The following MBNL2 variants were observed in gnomAD, a reference collection of about 807,000 sequenced individuals.
MBNL2 encodes muscleblind like splicing regulator 2.
A neutral mutation model predicts 41.9 loss-of-function variants in MBNL2; 17 were observed. The observed-to-expected ratio is 0.41, with a 90% confidence interval of 0.28 to 0.61. MBNL2 has a LOEUF of 0.61. Ranked by LOEUF, MBNL2 falls within the 20% of genes least tolerant of loss-of-function variation. The pLI is 0.35. For synonymous variants in MBNL2, 195 were observed against 182.9 expected (o/e 1.07, Z -0.53); for missense variants, 336 against 505.6 (o/e 0.66, Z 3.22).
At chr13:97,242,220 C>G (rs1188308019) in intron 1 of MBNL2, among the ~76,000 whole-genome samples, 3 of 152,122 alleles carry the variant, frequency 2.0e-5, no homozygotes, top group Admixed American at 6.5e-5. Context: ...AGGCAATGTT[C>G]TTCTTTGTGC....
At chr13:97,181,073 A>ATCTC in the MBNL2 span, among the ~76,000 whole-genome samples, 7 of 139,486 alleles carry the variant, frequency 5.0e-5, 1 homozygote, top group South Asian at 4.7e-4. Context: ...CTTCAACTCA[A>ATCTC]TCTCTCTCTC....
At chr13:97,365,412 C>T (rs1307445935) in intron 8 of MBNL2, among the ~76,000 whole-genome samples, 2 of 152,144 alleles carry the variant, frequency 1.3e-5, no homozygotes, top group East Asian at 1.9e-4. Flanking sequence ...AAGTACGAGT[C>T]TGCTTTTTAA....
chr13:97,210,297 T>C, the MBNL2 span, among the ~76,000 whole-genome samples: 1 of 152,238 alleles, frequency 6.6e-6, no homozygotes, highest in Non-Finnish European at 1.5e-5. Flanking sequence ...AGATTAAAAA[T>C]GTCATCTGTG....
intron 5 of MBNL2, among the ~76,000 whole-genome samples, chr13:97,350,532 A>C (rs2062350001): frequency 6.6e-6 from 1 of 152,218 alleles, no homozygotes; most frequent in African/African-American, 2.4e-5. Flanking sequence ...AAAATGGGAG[A>C]CAGTCCTCTA....
At chr13:97,216,299 A>C in the MBNL2 span, among the ~76,000 whole-genome samples, 1 of 152,238 alleles carries the variant, frequency 6.6e-6, no homozygotes, top group Non-Finnish European at 1.5e-5. Context: ...AAATGAATTC[A>C]GCACCACTCC....
intron 1 of MBNL2, among the ~76,000 whole-genome samples, chr13:97,252,484 AT>A (rs1464157777): frequency 1.3e-5 from 2 of 152,212 alleles, no homozygotes; most frequent in African/African-American, 2.4e-5. Context: ...AAGAACTAAT[AT>A]TTTTAGATGA....
chr13:97,254,412 G>A (rs897055864), intron 1 of MBNL2, among the ~76,000 whole-genome samples: 2 of 152,114 alleles, frequency 1.3e-5, no homozygotes, highest in African/African-American at 4.8e-5. Flanking sequence ...CATTATGATT[G>A]AAAAGTATTT....
At chr13:97,222,572 T>C in intron 1 of MBNL2, 41 bp downstream of exon 1, 1 of 397,058 alleles carries the variant, frequency 2.5e-6, no homozygotes, top group Non-Finnish European at 4.4e-6. Context: ...TTAAAGAGTT[T>C]GCTGCAGTAT....
In MBNL2 at chr13:97,366,024, G is replaced by A. The variant is rs1171356233; in HGVS notation, c.1048+853G>A. Among the ~76,000 whole-genome samples, 3 of 151,892 alleles carry A rather than the reference G, an allele frequency of 2.0e-5. No individual in the cohort carries two copies. The highest frequency in any genetic ancestry group is 7.3e-5 in the African/African-American group (3 of 41,310). On this transcript the variant is annotated intron_variant, in intron 8 of 8. Coordinates refer to ENST00000679496, the MANE Select transcript of MBNL2 (RefSeq NM_001382683.1). This position sits in a 1 kb window ranked among gnomAD's most constrained non-coding sequence, Gnocchi z 4.7. Reference sequence around the variant, plus strand: ...CAAAGAACATCCTATCCCAAATTAGGTCTCCATATGGAGACTTGGATGTCT... The same window carrying A: ...CAAAGAACATCCTATCCCAAATTAGATCTCCATATGGAGACTTGGATGTCT...
At chr13:97,299,304 G>A (rs537645520) in intron 2 of MBNL2, among the ~76,000 whole-genome samples, 2 of 152,186 alleles carry the variant, frequency 1.3e-5, no homozygotes, top group East Asian at 1.9e-4. Context: ...CTATCATAGT[G>A]CATGATAGTG....
At chr13:97,233,417 C>A (rs74107587) in intron 1 of MBNL2, among the ~76,000 whole-genome samples, 1 of 144,486 alleles carries the variant, frequency 6.9e-6, no homozygotes, top group Non-Finnish European at 1.5e-5. Context: ...CCTGCTCCTG[C>A]GCTAGCCCAT....
intron 1 of MBNL2, among the ~76,000 whole-genome samples, chr13:97,258,894 G>A (rs576469293): frequency 2.0e-5 from 3 of 152,254 alleles, no homozygotes; most frequent in South Asian, 2.1e-4. Context: ...TCTGTGACCT[G>A]AGTTCAGACA....
At chr13:97,335,852 C>T (rs2060838479) in intron 3 of MBNL2, among the ~76,000 whole-genome samples, 1 of 152,182 alleles carries the variant, frequency 6.6e-6, no homozygotes, top group Non-Finnish European at 1.5e-5. Flanking sequence ...AAACTACACA[C>T]ATGTATAATT....
At chr13:97,228,738 C>T (rs1427965586) in intron 1 of MBNL2, among the ~76,000 whole-genome samples, 1 of 151,740 alleles carries the variant, frequency 6.6e-6, no homozygotes, top group Non-Finnish European at 1.5e-5. Flanking sequence ...CCATATTGGC[C>T]AGGGTAGTCT....
chr13:97,158,112 G>C, the MBNL2 span, among the ~76,000 whole-genome samples: 3 of 151,912 alleles, frequency 2.0e-5, no homozygotes, highest in Admixed American at 6.6e-5. Context: ...CTTCTTCCTT[G>C]TTTAGTCTTG....
intron 1 of MBNL2, among the ~76,000 whole-genome samples, chr13:97,224,345 G>T (rs1437340514): frequency 6.6e-6 from 1 of 152,164 alleles, no homozygotes; most frequent in Admixed American, 6.5e-5. Flanking sequence ...CCCAAGCAGG[G>T]GAAGTACAAT....
chr13:97,170,715 C>G, the MBNL2 span, among the ~76,000 whole-genome samples: 3 of 152,100 alleles, frequency 2.0e-5, no homozygotes, highest in Non-Finnish European at 4.4e-5. Context: ...GAAAAAAATT[C>G]TCAAAAGGCC....
At chr13:97,278,235 TAGAGTG>T (rs1376778244) in intron 2 of MBNL2, among the ~76,000 whole-genome samples, 1 of 113,920 alleles carries the variant, frequency 8.8e-6, no homozygotes, top group African/African-American at 3.6e-5. Flanking sequence ...GCCTGGGTGA[TAGAGTG>T]AGACTGTCTC....
chr13:97,165,209 G>GA, the MBNL2 span, among the ~76,000 whole-genome samples: 36 of 149,974 alleles, frequency 2.4e-4, 1 homozygote, highest in African/African-American at 6.8e-4. Context: ...ATGTCCAAAA[G>GA]AAAAAAAAAC....
Sources: gnomAD v4.1 joint callset for allele counts (sites outside exome capture counted in the v4.1 genomes callset) on GRCh38, gnomAD v4.1.1 for gene constraint, Gnocchi (gnomAD v3.1) non-coding constraint, MANE v1.5 for transcripts, NCBI Gene and HGNC (gene_info 2026-07-23, HGNC 2026-07-21) for gene names.